PHACTR3: variants seen among roughly 807,000 people sequenced by gnomAD.
The protein encoded by PHACTR3 is phosphatase and actin regulator 3.
In PHACTR3, 16 loss-of-function variants were observed where a neutral mutation model predicts 66.8. The ratio of observed to expected loss-of-function variants is 0.24; its 90% CI spans 0.16 to 0.36. PHACTR3 has a LOEUF of 0.36. Among genes scored for constraint, PHACTR3 ranks in the 10% least tolerant of loss-of-function variants. The pLI, the probability that PHACTR3 is intolerant of heterozygous loss-of-function variation, is 1.00. For missense variants in PHACTR3, 647 were observed against 719.9 expected (o/e 0.90, Z 1.16); for synonymous variants, 323 against 292.1 (o/e 1.11, Z -1.08).
chr20:59,635,236 C>CTT (rs1273109625), intron 1 of PHACTR3, among the ~76,000 whole-genome samples: 2 of 97,978 alleles, frequency 2.0e-5, no homozygotes, highest in African/African-American at 7.8e-5. Flanking sequence ...TTCTTTCTTT[C>CTT]TTTTTTTTTT....
At chr20:59,775,798 C>T (rs1212075824) in intron 7 of PHACTR3, among the ~76,000 whole-genome samples, 3 of 152,198 alleles carry the variant, frequency 2.0e-5, no homozygotes, top group African/African-American at 7.2e-5. Context: ...TATGAGGGTG[C>T]ACTTCTGAGT....
chr20:59,633,295 T>G (rs1474396804), intron 1 of PHACTR3, among the ~76,000 whole-genome samples: 2 of 152,134 alleles, frequency 1.3e-5, no homozygotes, highest in African/African-American at 4.8e-5. Context: ...ACGTGGTACA[T>G]ATACACCATG....
rs1293902631 is a variant in PHACTR3 at position 59,736,085 on chromosome 20, G to T, written c.119-7022G>T. ...CTGGCTGGAGTTGCCAAAGAGGCTG[G>T]AGCTTGTCCCTTGAGTTGCAAGCAT... On this transcript the variant is annotated intron_variant, in intron 1 of 12. Transcript: ENST00000371015. This position sits in a 1 kb window ranked among gnomAD's most constrained non-coding sequence, Gnocchi z 4.6. 3.3e-5 allele frequency among the ~76,000 whole-genome samples: 5 copies of T among 152,070 alleles called. 1 individual carries two copies. The highest frequency in any genetic ancestry group is 5.9e-5 in the Non-Finnish European group (4 of 68,002).
Position 59,803,740 on chromosome 20 carries a change from A to G in PHACTR3, c.1175-2301A>G, listed in dbSNP as rs542722415. Among the ~76,000 whole-genome samples the G allele has an allele frequency of 7.2e-5, 11 of 152,308 alleles. No homozygotes were observed. In the East Asian group the frequency reaches 2.1e-3, roughly 29 times the overall value. ...TGACTGGATGTTTACGTTGTGTTCA[A>G]TTTCTTACTTTTATGAAAAAGTCCG... On this transcript the variant is annotated intron_variant, in intron 7 of 12. Coordinates refer to ENST00000371015, the MANE Select transcript of PHACTR3 (RefSeq NM_080672.5).
intron 1 of PHACTR3, among the ~76,000 whole-genome samples, chr20:59,725,989 C>T (rs373317342): frequency 4.1e-4 from 62 of 152,260 alleles, no homozygotes; most frequent in African/African-American, 1.4e-3. Context: ...TGTTCTACTC[C>T]GATCCTCTCC....
intron 1 of PHACTR3, among the ~76,000 whole-genome samples, chr20:59,669,235 G>A (rs978752661): frequency 1.3e-5 from 2 of 152,112 alleles, no homozygotes; most frequent in Non-Finnish European, 2.9e-5. Context: ...CCCCCGGTGT[G>A]GAGTAGGGAG....
chr20:59,827,330 C>A (rs973756664), intron 8 of PHACTR3, among the ~76,000 whole-genome samples: 22 of 152,296 alleles, frequency 1.4e-4, no homozygotes, highest in Middle Eastern at 3.4e-3. Context: ...ACCACTGGGG[C>A]TGTTCCTGGT....
At chr20:59,692,184 G>A (rs2037132388) in intron 1 of PHACTR3, among the ~76,000 whole-genome samples, 2 of 152,134 alleles carry the variant, frequency 1.3e-5, no homozygotes, top group African/African-American at 4.8e-5. Flanking sequence ...AAGTACCCAG[G>A]GCATGGTGTT....
At chr20:59,677,798 G>C (rs952675571) in intron 1 of PHACTR3, among the ~76,000 whole-genome samples, 2 of 152,178 alleles carry the variant, frequency 1.3e-5, no homozygotes, top group Admixed American at 6.5e-5. Flanking sequence ...TATAATGATG[G>C]TAACCACATA....
intron 7 of PHACTR3, among the ~76,000 whole-genome samples, chr20:59,800,487 T>C (rs1418420171): frequency 6.6e-6 from 1 of 152,246 alleles, no homozygotes; most frequent in Non-Finnish European, 1.5e-5. Flanking sequence ...TGCTCCACTG[T>C]CTTGTCATCC....
intron 1 of PHACTR3, among the ~76,000 whole-genome samples, chr20:59,587,587 C>A (rs1458579868): frequency 6.6e-6 from 1 of 152,248 alleles, no homozygotes; most frequent in Admixed American, 6.5e-5. Flanking sequence ...GTGGGCTTAC[C>A]TGCTTCCCTC....
At chr20:59,775,165 A>G (rs2040491815) in intron 7 of PHACTR3, among the ~76,000 whole-genome samples, 1 of 90,004 alleles carries the variant, frequency 1.1e-5, no homozygotes, top group Non-Finnish European at 3.0e-5. Context: ...CCTGTGATGA[A>G]GGGAGAAGGA....
At chr20:59,687,434 G>A (rs956891167) in intron 1 of PHACTR3, among the ~76,000 whole-genome samples, 2 of 152,194 alleles carry the variant, frequency 1.3e-5, no homozygotes, top group African/African-American at 2.4e-5. Context: ...TAGGGCGCAG[G>A]AAGTGTTTGC....
chr20:59,770,709 G>T (rs1170574764), intron 5 of PHACTR3, among the ~76,000 whole-genome samples: 1 of 152,178 alleles, frequency 6.6e-6, no homozygotes, highest in African/African-American at 2.4e-5. Flanking sequence ...AGGTGGGCAG[G>T]TTCTCCTCTG....
At chr20:59,707,715 C>T (rs993418268) in intron 1 of PHACTR3, among the ~76,000 whole-genome samples, 12 of 152,078 alleles carry the variant, frequency 7.9e-5, no homozygotes, top group African/African-American at 2.7e-4. Context: ...ATCCTCCCAC[C>T]TCAGCCTCCC....
chr20:59,640,142 C>T (rs2035052188), intron 1 of PHACTR3, among the ~76,000 whole-genome samples: 1 of 152,194 alleles, frequency 6.6e-6, no homozygotes, highest in South Asian at 2.1e-4. Flanking sequence ...CTGGGTCAGC[C>T]CGTCAGCAGC....
At chr20:59,600,007 C>T (rs1040848343), upstream of PHACTR3, among the ~76,000 whole-genome samples, 2 of 152,230 alleles carry the variant, frequency 1.3e-5, no homozygotes, top group Non-Finnish European at 2.9e-5. Context: ...TCAGGCTCTT[C>T]CTGAGGTCCA....
chr20:59,783,427 G>A (rs1297697656), intron 7 of PHACTR3, among the ~76,000 whole-genome samples: 4 of 116,692 alleles, frequency 3.4e-5, no homozygotes, highest in African/African-American at 9.8e-5. Flanking sequence ...GCTGCCCCCC[G>A]CCCCGCCCCA....
At chr20:59,806,235 GCCTTGCAGGCGGAGCCC>G in intron 8 of PHACTR3, 41 bp downstream of exon 8, 1 of 1,597,784 alleles carries the variant, frequency 6.3e-7, no homozygotes, top group Non-Finnish European at 8.5e-7. Flanking sequence ...CTGTGCTCTG[GCCTTGCAGGCGGAGCCC>G]CTCTGAGATC....
Sources: allele counts gnomAD v4.1 joint callset (sites outside exome capture counted in the v4.1 genomes callset), GRCh38; gene constraint gnomAD v4.1.1; non-coding constraint Gnocchi (gnomAD v3.1); transcripts MANE v1.5; gene names NCBI Gene and HGNC (gene_info 2026-07-23, HGNC 2026-07-21).